HDAC7: variants seen among roughly 807,000 people sequenced by gnomAD.
The protein encoded by HDAC7 is histone deacetylase 7, also known as histone deacetylase 7A.
Under a neutral mutation model 115.5 loss-of-function variants are expected in HDAC7, and 26 were observed. That is an observed-to-expected ratio of 0.23 (90% CI 0.16 to 0.31). The LOEUF is 0.31. HDAC7 is among the 10% of genes least tolerant of loss of function. The pLI is 1.00. For synonymous variants in HDAC7, 564 were observed against 550.9 expected (o/e 1.02, Z -0.33); for missense variants, 1,068 against 1,329.0 (o/e 0.80, Z 3.05).
intron 14 of HDAC7, 30 bp from the exon 15 acceptor site, chr12:47,791,736 C>T (rs773622375): frequency 6.2e-7 from 1 of 1,610,182 alleles, no homozygotes; most frequent in African/African-American, 1.3e-5. Context: ...GCTCTGAGCT[C>T]ATGCTCGCCC....
intron 21 of HDAC7, 72 bp from the exon 22 acceptor site, chr12:47,786,775 G>T: frequency 8.5e-7 from 1 of 1,183,328 alleles, no homozygotes; most frequent in Non-Finnish European, 1.3e-6. Context: ...CAACTTTGCG[G>T]TGGGGCACCC....
chr12:47,820,578 G>GGT (rs1321166483), upstream of HDAC7: 10 of 152,174 alleles, frequency 6.6e-5, no homozygotes, highest in African/African-American at 2.4e-4. The surrounding 1 kb of genome is among the most constrained non-coding windows in gnomAD (Gnocchi z 4.3). Flanking sequence ...GGAACGGAAG[G>GGT]GTCCAGCCTG....
Position 47,793,724 on chromosome 12 carries a change from TG to T in HDAC7, c.1459-137del. The T allele has an allele frequency of 1.5e-6, 1 of 678,656 alleles. No homozygotes were observed. Among genetic ancestry groups the T allele is most frequent in the Non-Finnish European group, 2.4e-6 (1 of 421,444 alleles). The allele number at this position is 678,656 out of a possible 1,614,324, so 42.0% of individuals were successfully genotyped here. On this transcript the variant is annotated intron_variant, in intron 12 of 25. Transcript: ENST00000080059. The surrounding 1 kb of genome is among the most constrained non-coding windows in gnomAD (Gnocchi z 4.5). ...GGATAAACCTAGACCTGCTGTCCAG[TG>T]GGGCTCTGGCCTTTGACTCTCTAAG... is the stretch of plus-strand genomic sequence containing the variant.
chr12:47,784,604 C>A (rs1412191898), intron 24 of HDAC7: 1 of 999,846 alleles, frequency 1.0e-6, no homozygotes. Context: ...CTCGGGCCTC[C>A]CACTTAAACA....
Position 47,797,321 on chromosome 12 carries a change from C to T in HDAC7, c.577+63G>A. 1.4e-6 allele frequency: 2 copies of T among 1,475,926 alleles called. No homozygotes were observed. The highest frequency in any genetic ancestry group is 1.1e-5 in the South Asian group (1 of 88,270). 91.4% of individuals were successfully genotyped at this position (1,475,926 alleles called of 1,614,324 possible). ...GCCCGCCCACCCCTGCACACTCCTC[C>T]CCCATGTCCGAGGCCCTTCCCCCTT... is the stretch of plus-strand genomic sequence containing the variant. On this transcript the variant is annotated intron_variant, in intron 6 of 25. Coordinates refer to ENST00000080059, the MANE Select transcript of HDAC7 (RefSeq NM_015401.5). This position sits in a 1 kb window ranked among gnomAD's most constrained non-coding sequence, Gnocchi z 5.5.
chr12:47,793,370 T>G lies in HDAC7; in HGVS notation c.1677A>C (p.Thr559=). ...CCGCCACCCTCCTCCCGGTCTCACC[T>G]GTGGTGAAGGGCAGGGTCCTGGCAG... ...ETPARTLPFT[T]GLIYDSVMLK... is the part of the protein sequence containing the mutation. The change falls in exon 13 of 26, where the codon ACA becomes ACC. Residue 559 remains threonine, a splice_region_variant and synonymous_variant. Transcript: ENST00000080059. This position sits in a 1 kb window ranked among gnomAD's most constrained non-coding sequence, Gnocchi z 4.5. The G allele has an allele frequency of 2.6e-6, 3 of 1,147,948 alleles. No individual in the cohort carries two copies. Among genetic ancestry groups the G allele is most frequent in the Non-Finnish European group, 2.4e-6 (2 of 849,114 alleles). The allele number at this position is 1,147,948 out of a possible 1,614,324, so 71.1% of individuals were successfully genotyped here.
Position 47,789,913 on chromosome 12 carries a change from G to A in HDAC7, c.1991C>T (p.Thr664Ile). 1 of 1,612,108 alleles carries A rather than the reference G, an allele frequency of 6.2e-7. No homozygotes were observed. The highest frequency in any genetic ancestry group is 1.7e-5 in the Admixed American group (1 of 60,030). ...MLPCGGVGVD[T>I]DTIWNELHSS... ...ATGAAGCTCATTCCAGATGGTGTCAGTGTCCACCTGCGGGAGCCAGAGTCA... is the reference window on the plus strand; with the variant it reads ...ATGAAGCTCATTCCAGATGGTGTCAATGTCCACCTGCGGGAGCCAGAGTCA... Residue 664 changes from threonine (T) to isoleucine (I), a missense_variant, in exon 17 of 26, where the codon ACT becomes ATT. Physicochemically the swap from Thr to Ile is moderately conservative, Grantham distance 89. Coordinates refer to ENST00000080059, the MANE Select transcript of HDAC7 (RefSeq NM_015401.5).
intron 1 of HDAC7, among the ~76,000 whole-genome samples, chr12:47,809,979 C>T (rs1488403108): frequency 6.6e-6 from 1 of 152,124 alleles, no homozygotes; most frequent in African/African-American, 2.4e-5. Flanking sequence ...CAGAATTTCA[C>T]TCTGTCACCC....
Position 47,819,746 on chromosome 12 carries a change from GGGC to G in HDAC7, c.19+18_19+20del. ...GGTGCCGCGCGCAGGGCGGGGCGGG[GGGC>G]GGCCGCCCAGTACTCACCAGCGCCG... On this transcript the variant is annotated intron_variant, in intron 1 of 25. Transcript: ENST00000080059. 1.2e-6 allele frequency: 1 copy of G among 824,962 alleles called. No individual in the cohort carries two copies. Among genetic ancestry groups the G allele is most frequent in the Non-Finnish European group, 1.5e-6 (1 of 673,044 alleles). 51.1% of individuals were successfully genotyped at this position (824,962 alleles called of 1,614,324 possible).
At chr12:47,799,042 C>T in intron 2 of HDAC7, 70 bp from the exon 3 acceptor site, 1 of 1,102,936 alleles carries the variant, frequency 9.1e-7, no homozygotes, top group Non-Finnish European at 1.3e-6. Context: ...AGCCTGATCC[C>T]CCCTCAGCCT....
At chr12:47,785,656 A>G in intron 23 of HDAC7, 96 bp downstream of exon 23, 1 of 1,476,636 alleles carries the variant, frequency 6.8e-7, no homozygotes, top group Non-Finnish European at 9.1e-7. Context: ...GGCCACTCCC[A>G]CCCTGTCCCA....
At chr12:47,814,024 C>T (rs1014132552) in intron 1 of HDAC7, among the ~76,000 whole-genome samples, 3 of 152,196 alleles carry the variant, frequency 2.0e-5, no homozygotes, top group African/African-American at 7.2e-5. Context: ...AGGGGTGAAG[C>T]GTAGAGCTGC....
At chr12:47,801,980 G>A (rs1168567764) in intron 2 of HDAC7, among the ~76,000 whole-genome samples, 1 of 152,084 alleles carries the variant, frequency 6.6e-6, no homozygotes, top group African/African-American at 2.4e-5. Context: ...TCCCAGCAAG[G>A]ACAAGACGGG....
chr12:47,807,762 T>C (rs1426713042), intron 1 of HDAC7, among the ~76,000 whole-genome samples: 1 of 152,100 alleles, frequency 6.6e-6, no homozygotes, highest in African/African-American at 2.4e-5. Context: ...AAAGAATCAT[T>C]TGGAGCAACT....
intron 22 of HDAC7, chr12:47,786,097 G>A (rs572637489): frequency 3.7e-6 from 2 of 538,924 alleles, no homozygotes; most frequent in Admixed American, 3.7e-5. Flanking sequence ...CTTGGGAAAG[G>A]CCCCACAGCT....
At chr12:47,812,589 G>A (rs1030449781) in intron 1 of HDAC7, among the ~76,000 whole-genome samples, 1 of 152,190 alleles carries the variant, frequency 6.6e-6, no homozygotes, top group Non-Finnish European at 1.5e-5. Context: ...CACACTTGCA[G>A]GAGAAACCGA....
intron 20 of HDAC7, 85 bp downstream of exon 20, chr12:47,787,960 T>G: frequency 6.3e-7 from 1 of 1,582,840 alleles, no homozygotes; most frequent in Admixed American, 1.7e-5. Context: ...CTGCCCAGGA[T>G]CACACAGCTC....
Position 47,791,568 on chromosome 12 carries a change from G to T in HDAC7, c.1933+18C>A. 6.3e-7 allele frequency: 1 copy of T among 1,596,220 alleles called. No homozygotes were observed. On this transcript the variant is annotated intron_variant, in intron 15 of 25. Coordinates refer to ENST00000080059, the MANE Select transcript of HDAC7 (RefSeq NM_015401.5). ...TGAGGTAAGCTGGCATGGGGAGACAGGGCCACTAGGCCATTACCTGCCAGC... is the reference window on the plus strand; with the variant it reads ...TGAGGTAAGCTGGCATGGGGAGACATGGCCACTAGGCCATTACCTGCCAGC...
Position 47,813,968 on chromosome 12 carries a change from C to T in HDAC7, c.19+5799G>A, listed in dbSNP as rs550347080. Among the ~76,000 whole-genome samples, 76 of 152,328 alleles carry T rather than the reference C, an allele frequency of 5.0e-4. 1 individual carries two copies. Among genetic ancestry groups the T allele is most frequent in the Admixed American group, 1.1e-3 (17 of 15,306 alleles). ...GGGCTGAGGCCTGCTGGCCTAGAGC[C>T]GGAACCTGACACCCAAGTTGCTGAT... On this transcript the variant is annotated intron_variant, in intron 1 of 25. Coordinates refer to ENST00000080059, the MANE Select transcript of HDAC7 (RefSeq NM_015401.5).
Sources: allele counts gnomAD v4.1 joint callset (sites outside exome capture counted in the v4.1 genomes callset), GRCh38; gene constraint gnomAD v4.1.1; non-coding constraint Gnocchi (gnomAD v3.1); transcripts MANE v1.5; gene names NCBI Gene and HGNC (gene_info 2026-07-23, HGNC 2026-07-21).